WDR20: variants seen among roughly 807,000 people sequenced by gnomAD.
WDR20 encodes the protein WD repeat-containing protein 20.
A neutral mutation model predicts 38.7 loss-of-function variants in WDR20; 3 were observed. The observed-to-expected ratio is 0.08, with a 90% CI of 0.04 to 0.20. WDR20 has a LOEUF of 0.20. Among genes scored for constraint, WDR20 ranks in the 10% least tolerant of loss-of-function variants. WDR20 has a pLI of 1.00. For synonymous variants in WDR20, 298 were observed against 285.6 expected, an observed-to-expected ratio of 1.04 and a Z score of -0.44; for missense variants, 559 against 727.7, an observed-to-expected ratio of 0.77 and a Z score of 2.67.
intron 1 of WDR20, among the ~76,000 whole-genome samples, chr14:102,166,226 G>A (rs1024392392): frequency 4.0e-5 from 6 of 151,362 alleles, no homozygotes; most frequent in African/African-American, 9.7e-5. Flanking sequence ...CGATCTGCCC[G>A]TCTCAGCCTC....
intron 1 of WDR20, among the ~76,000 whole-genome samples, chr14:102,169,398 A>G (rs577825589): frequency 3.3e-5 from 5 of 152,302 alleles, no homozygotes; most frequent in Admixed American, 2.0e-4. Flanking sequence ...TTGCCTGCTT[A>G]CTGACTAGTC....
At chr14:102,210,594 A>G (rs1319756545), downstream of WDR20, 1 of 975,368 alleles carries the variant, frequency 1.0e-6, no homozygotes, top group Non-Finnish European at 1.2e-6. Context: ...AGAGCCTGAC[A>G]GTTCGTGGGA....
downstream of WDR20, chr14:102,215,096 A>G: frequency 1.5e-6 from 1 of 659,582 alleles, no homozygotes; most frequent in Non-Finnish European, 1.9e-6. Context: ...CTGTAAAATT[A>G]AGGACCTTGT....
intron 2 of WDR20, chr14:102,198,245 C>T: frequency 1.1e-5 from 3 of 278,356 alleles, no homozygotes; most frequent in South Asian, 8.6e-5. Flanking sequence ...TCTTGTGCCT[C>T]ACCCACCCAA....
At chr14:102,143,165 A>G (rs2052111578) in intron 1 of WDR20, among the ~76,000 whole-genome samples, 1 of 152,190 alleles carries the variant, frequency 6.6e-6, no homozygotes, top group Non-Finnish European at 1.5e-5. Context: ...TAGTAAGGAA[A>G]ATGAAGCACA....
chr14:102,158,217 C>A (rs1273235758), intron 1 of WDR20, among the ~76,000 whole-genome samples: 2 of 152,166 alleles, frequency 1.3e-5, no homozygotes, highest in African/African-American at 2.4e-5. Context: ...GCCTACACTC[C>A]CCTAAGATTC....
At chr14:102,169,038 A>C (rs1387197655) in intron 1 of WDR20, among the ~76,000 whole-genome samples, 1 of 152,220 alleles carries the variant, frequency 6.6e-6, no homozygotes. Context: ...CTTTTGATAC[A>C]GTGCTTTTCC....
At chr14:102,159,802 C>A (rs2152763871) in intron 1 of WDR20, among the ~76,000 whole-genome samples, 1 of 151,968 alleles carries the variant, frequency 6.6e-6, no homozygotes, top group Middle Eastern at 3.4e-3. Context: ...CCACTGCACT[C>A]CAGCCTAGGC....
intron 1 of WDR20, among the ~76,000 whole-genome samples, chr14:102,165,634 TTC>T (rs1446560567): frequency 2.0e-5 from 3 of 149,676 alleles, no homozygotes; most frequent in African/African-American, 4.9e-5. Context: ...TTCTTTTCTT[TTC>T]TTTTTTTTTT....
chr14:102,216,294 C>A (rs1441546003), downstream of WDR20, among the ~76,000 whole-genome samples: 1 of 152,208 alleles, frequency 6.6e-6, no homozygotes, highest in Non-Finnish European at 1.5e-5. Context: ...GGGCTCTGTT[C>A]TTAGCACTGA....
chr14:102,207,861 A>T lies in WDR20; in HGVS notation c.433-742A>T, dbSNP rs971835364. 6.6e-6 allele frequency among the ~76,000 whole-genome samples: 1 copy of T among 152,194 alleles called. No individual in the cohort carries two copies. Among genetic ancestry groups the T allele is most frequent in the African/African-American group, 2.4e-5 (1 of 41,456 alleles). On this transcript the variant is annotated intron_variant, in intron 2 of 2. Transcript: ENST00000342702. The surrounding 1 kb of genome is among the most constrained non-coding windows in gnomAD (Gnocchi z 5.0). ...AAGAAACATCTCGGTCAGGGGTCCAAAGTTAGCATATGGAGCAGAGTGATG... is the reference window on the plus strand; with the variant it reads ...AAGAAACATCTCGGTCAGGGGTCCATAGTTAGCATATGGAGCAGAGTGATG...
rs374240865 is a variant in WDR20, at chr14:102,209,530, A to G, written c.1360A>G (p.Ile454Val). ...GSKSSVMDGA[I>V]ASGVSKFATL... ...CAAAAGCAGTGTCATGGACGGGGCC[A>G]TTGCTTCTGGGGTCAGCAAATTTGC... Residue 454 changes from isoleucine to valine, a missense_variant, in exon 3 of 3, where the codon ATT (isoleucine) becomes GTT (valine). Transcript: ENST00000342702. This position sits in a 1 kb window ranked among gnomAD's most constrained non-coding sequence, Gnocchi z 6.0. 3.7e-6 allele frequency: 6 copies of G among 1,614,192 alleles called. No individual in the cohort carries two copies. In the South Asian group the frequency reaches 5.5e-5, roughly 15 times the overall value.
At chr14:102,147,159 C>G (rs1595821442) in intron 1 of WDR20, among the ~76,000 whole-genome samples, 2 of 152,148 alleles carry the variant, frequency 1.3e-5, no homozygotes, top group East Asian at 1.9e-4. Context: ...CTTTGGGAGG[C>G]TGAGGCGGGT....
At chr14:102,140,465 C>T (rs2050513433) in intron 1 of WDR20, among the ~76,000 whole-genome samples, 1 of 152,078 alleles carries the variant, frequency 6.6e-6, no homozygotes, top group South Asian at 2.1e-4. Context: ...GTCCATCAGG[C>T]TCTGACATGG....
intron 1 of WDR20, among the ~76,000 whole-genome samples, chr14:102,177,476 A>G (rs2062405087): frequency 6.6e-6 from 1 of 152,136 alleles, no homozygotes; most frequent in Non-Finnish European, 1.5e-5. Flanking sequence ...AAGGGAGTCT[A>G]CTAGCTATGA....
In WDR20 at chr14:102,162,802, G is replaced by C. The variant is rs142536491; in HGVS notation, c.249+22630G>C. On this transcript the variant is annotated intron_variant, in intron 1 of 2. Transcript: ENST00000342702. ...ATTTTTGTGTTTTTTTGTAGAGACAGGGTTTTGCCGTGTAGCCCAGGCTGG... is the reference window on the plus strand; with the variant it reads ...ATTTTTGTGTTTTTTTGTAGAGACACGGTTTTGCCGTGTAGCCCAGGCTGG... 2.5e-3 allele frequency among the ~76,000 whole-genome samples: 388 copies of C among 152,228 alleles called. 5 individuals are homozygous for C. The highest frequency in any genetic ancestry group is 8.8e-3 in the African/African-American group (367 of 41,506).
In WDR20 at chr14:102,140,152, A is replaced by G. The variant is rs1427720590; in HGVS notation, c.229A>G (p.Ile77Val). ...FNVGRELYFYIYKGVRKAADL... is the reference protein window; with the variant it reads ...FNVGRELYFYVYKGVRKAADL... Reference sequence around the variant, plus strand: ...TGTGGGCCGGGAGCTGTACTTCTATATCTACAAGGGGGTCCGCAAGGTACC... The same window carrying G: ...TGTGGGCCGGGAGCTGTACTTCTATGTCTACAAGGGGGTCCGCAAGGTACC... The change falls in exon 1 of 3, where the codon ATC becomes GTC. Residue 77 changes from isoleucine (I) to valine (V), a missense_variant. By Grantham distance (29) the Ile-to-Val change is conservative (BLOSUM62 3). Transcript: ENST00000342702. 6.2e-7 allele frequency: 1 copy of G among 1,613,322 alleles called. No homozygotes were observed. The highest frequency in any genetic ancestry group is 2.2e-5 in the East Asian group (1 of 44,864).
chr14:102,208,465 G>T lies in WDR20; in HGVS notation c.433-138G>T. The stretch of plus-strand genomic sequence containing the variant: ...GGGCCAAAACGCTCCTTGCTGGCTT[G>T]GCTGACTGCAGGATAAAATGTGGAG... On this transcript the variant is annotated intron_variant, in intron 2 of 2. Coordinates refer to ENST00000342702, the MANE Select transcript of WDR20 (RefSeq NM_144574.4). This position sits in a 1 kb window ranked among gnomAD's most constrained non-coding sequence, Gnocchi z 5.6. 1 of 1,198,872 alleles carries T rather than the reference G, an allele frequency of 8.3e-7. No individual in the cohort carries two copies. The allele number at this position is 1,198,872 out of a possible 1,614,324, so 74.3% of individuals were successfully genotyped here. A position where few individuals can be genotyped will look rare whatever the true frequency, so the allele number is the denominator to read the frequency against.
downstream of WDR20, chr14:102,224,597 T>G: frequency 2.2e-6 from 1 of 456,100 alleles, no homozygotes; most frequent in Non-Finnish European, 4.4e-6. Context: ...GTCTTTACTT[T>G]CAGGCTTTTG....
Sources: allele counts gnomAD v4.1 joint callset (sites outside exome capture counted in the v4.1 genomes callset), GRCh38; gene constraint gnomAD v4.1.1; non-coding constraint Gnocchi (gnomAD v3.1); transcripts MANE v1.5; gene names NCBI Gene and HGNC (gene_info 2026-07-23, HGNC 2026-07-21).